PHF20L1: variants seen among roughly 807,000 people sequenced by gnomAD.
The protein encoded by PHF20L1 is PHD finger protein 20 like 1.
In PHF20L1, 44 loss-of-function variants were observed where a neutral mutation model predicts 125.5. The ratio of observed to expected loss-of-function variants is 0.35; its 90% CI spans 0.28 to 0.45. The LOEUF (loss-of-function observed/expected upper bound fraction) is 0.45, where lower values mean the gene tolerates loss of function less well. Ranked by LOEUF, PHF20L1 falls within the 20% of genes least tolerant of loss-of-function variation. The pLI, the probability that PHF20L1 is intolerant of heterozygous loss-of-function variation, is 1.00. For synonymous variants in PHF20L1, 380 were observed against 403.1 expected (o/e 0.94, Z 0.69); for missense variants, 1,012 against 1,217.2 (o/e 0.83, Z 2.51).
chr8:132,832,152 T>C, intron 14 of PHF20L1, 83 bp from the exon 15 acceptor site: 1 of 884,240 alleles, frequency 1.1e-6, no homozygotes, highest in East Asian at 2.4e-5. Context: ...TGGTGTATCC[T>C]GAAACATGAC....
At chr8:132,807,803 A>G (rs1335109336) in intron 8 of PHF20L1, 4 of 452,916 alleles carry the variant, frequency 8.8e-6, no homozygotes, top group African/African-American at 2.0e-5. Flanking sequence ...ACTGATGACT[A>G]TTTGATATTC....
chr8:132,796,390 AG>A (rs906220490), intron 4 of PHF20L1, among the ~76,000 whole-genome samples: 3 of 152,126 alleles, frequency 2.0e-5, no homozygotes, highest in African/African-American at 7.2e-5. Flanking sequence ...TTTTAGGCTG[AG>A]GATTTAATCT....
chr8:132,807,849 GT>G (rs1307302280), intron 8 of PHF20L1: 28 of 438,402 alleles, frequency 6.4e-5, no homozygotes, highest in African/African-American at 5.1e-4. Context: ...TCTTGAAGCA[GT>G]GTAATGCATT....
chr8:132,780,245 A>C (rs562600629), intron 2 of PHF20L1, among the ~76,000 whole-genome samples: 1 of 152,288 alleles, frequency 6.6e-6, no homozygotes, highest in South Asian at 2.1e-4. Context: ...TGGACCAACT[A>C]TTTAATTACT....
chr8:132,822,747 A>G (rs1835739155), intron 12 of PHF20L1, among the ~76,000 whole-genome samples: 2 of 151,936 alleles, frequency 1.3e-5, no homozygotes, highest in African/African-American at 4.8e-5. Flanking sequence ...GTTTAAACTT[A>G]CTTGCTAGAG....
chr8:132,824,337 T>C (rs1296855649), intron 13 of PHF20L1: 1 of 270,280 alleles, frequency 3.7e-6, no homozygotes, highest in East Asian at 6.5e-5. Context: ...TATTCAAAAA[T>C]AGACCTCGAT....
At position 132,794,421 on chromosome 8, in the gene PHF20L1, G is replaced by A. The variant is rs1399603982; in HGVS notation, c.95G>A (p.Arg32Gln). 4 of 1,603,898 alleles carry A rather than the reference G, an allele frequency of 2.5e-6. No individual in the cohort carries two copies. The highest frequency in any genetic ancestry group is 1.7e-5 in the Admixed American group (1 of 59,122). ...LDYLQKWYPS[R>Q]IEKIDYEEGK... ...TTTTGATTTTTGAGGTATCCATCAC[G>A]AATTGAAAAAATTGACTATGAGGAG... The change falls in exon 3 of 21, where the codon CGA (arginine) becomes CAA (glutamine). Residue 32 changes from arginine (R) to glutamine (Q), a missense_variant. Transcript: ENST00000395386.
At chr8:132,800,879 T>C (rs764872322) in intron 6 of PHF20L1, among the ~76,000 whole-genome samples, 9 of 151,538 alleles carry the variant, frequency 5.9e-5, no homozygotes, top group Non-Finnish European at 1.3e-4. Context: ...GACATTTTTC[T>C]CACTGGGAAA....
intron 6 of PHF20L1, among the ~76,000 whole-genome samples, chr8:132,802,756 T>A (rs1162939917): frequency 6.6e-6 from 1 of 151,886 alleles, no homozygotes; most frequent in Non-Finnish European, 1.5e-5. Context: ...TTTAAGGCAG[T>A]GTTAATCTAC....
intron 15 of PHF20L1, among the ~76,000 whole-genome samples, chr8:132,834,377 C>T (rs1837116370): frequency 6.6e-6 from 1 of 151,942 alleles, no homozygotes; most frequent in Admixed American, 6.6e-5. Context: ...GCTCTGTTGC[C>T]TAGGCTGAAA....
intron 16 of PHF20L1, 73 bp from the exon 17 acceptor site, chr8:132,837,639 G>A (rs894668645): frequency 8.6e-7 from 1 of 1,158,790 alleles, no homozygotes; most frequent in Non-Finnish European, 1.3e-6. Context: ...TTCAAAGAAA[G>A]GGCATGTATC....
intron 15 of PHF20L1, among the ~76,000 whole-genome samples, chr8:132,832,863 AC>A: frequency 6.6e-6 from 1 of 152,250 alleles, no homozygotes; most frequent in Non-Finnish European, 1.5e-5. Context: ...CTGGTCAGAT[AC>A]ATCTGTAACC....
intron 2 of PHF20L1, among the ~76,000 whole-genome samples, chr8:132,788,077 A>G (rs1428405892): frequency 1.3e-5 from 2 of 152,112 alleles, no homozygotes. Context: ...TGTTTAAGTC[A>G]TATTTTAGGT....
intron 8 of PHF20L1, chr8:132,807,561 A>C (rs971765624): frequency 2.8e-6 from 1 of 357,160 alleles, no homozygotes; most frequent in South Asian, 2.2e-5. Context: ...TGTTATTGAT[A>C]ATAATATCAA....
At chr8:132,808,612 T>TA (rs1834002093) in intron 8 of PHF20L1, 1 of 152,192 alleles carries the variant, frequency 6.6e-6, no homozygotes, top group South Asian at 2.1e-4. Flanking sequence ...TTTCAATAGT[T>TA]CATTGGGCCT....
intron 17 of PHF20L1, chr8:132,838,029 AT>A (rs1837553469): frequency 9.3e-6 from 4 of 429,008 alleles, no homozygotes; most frequent in Non-Finnish European, 1.8e-5. Flanking sequence ...TCATTTCATT[AT>A]TCAGTGTGCC....
intron 3 of PHF20L1, 28 bp from the exon 4 acceptor site, chr8:132,794,705 A>C (rs1396506036): frequency 6.4e-7 from 1 of 1,555,458 alleles, no homozygotes; most frequent in Non-Finnish European, 8.9e-7. Context: ...ATATACATGG[A>C]ATTGATCTTA....
At chr8:132,802,633 A>G (rs1023529912) in intron 6 of PHF20L1, among the ~76,000 whole-genome samples, 1 of 151,734 alleles carries the variant, frequency 6.6e-6, no homozygotes, top group Non-Finnish European at 1.5e-5. Context: ...AAAATTGTTG[A>G]TTGAATGTGT....
chr8:132,779,320 C>T (rs1164329403), intron 2 of PHF20L1, among the ~76,000 whole-genome samples: 9 of 152,052 alleles, frequency 5.9e-5, no homozygotes, highest in African/African-American at 9.7e-5. Context: ...GGGTGGGTGG[C>T]GGTAAAAATG....
Sources: allele counts gnomAD v4.1 joint callset (sites outside exome capture counted in the v4.1 genomes callset), GRCh38; gene constraint gnomAD v4.1.1; transcripts MANE v1.5; gene names NCBI Gene and HGNC (gene_info 2026-07-23, HGNC 2026-07-21).